GALNT12: variants seen among roughly 807,000 people sequenced by gnomAD.
The protein encoded by GALNT12 is polypeptide N-acetylgalactosaminyltransferase 12, also known as UDP-GalNAc:polypeptide N-acetylgalactosaminyltransferase 12.
GALNT12 carries 45 observed loss-of-function variants against 55.5 expected under a neutral mutation model. The observed-to-expected ratio is 0.81, with a 90% CI of 0.64 to 1.04. The LOEUF is 1.04. Among genes scored for constraint, GALNT12 ranks in the 50% least tolerant of loss-of-function variants. The pLI is 0.00. For synonymous variants in GALNT12, 304 were observed against 312.2 expected, an observed-to-expected ratio of 0.97 and a Z score of 0.28; for missense variants, 709 against 754.8, an observed-to-expected ratio of 0.94 and a Z score of 0.71.
At chr9:98,844,682 A>T (rs56161609) in intron 8 of GALNT12, among the ~76,000 whole-genome samples, 7 of 152,150 alleles carry the variant, frequency 4.6e-5, no homozygotes, top group Non-Finnish European at 8.8e-5. Context: ...CTTAGAATTA[A>T]TTGTTAAGTG....
At chr9:98,834,410 C>G (rs758281489) in intron 4 of GALNT12, among the ~76,000 whole-genome samples, 2 of 152,210 alleles carry the variant, frequency 1.3e-5, no homozygotes, top group African/African-American at 2.4e-5. Context: ...TATGAGCCAC[C>G]GTGCCCAGCC....
chr9:98,831,268 G>T (rs1019795204), intron 3 of GALNT12, among the ~76,000 whole-genome samples: 1 of 152,196 alleles, frequency 6.6e-6, no homozygotes, highest in Admixed American at 6.5e-5. Context: ...CCCTCTGAAT[G>T]GATATTATAA....
At chr9:98,846,608 C>G (rs1433216479) in intron 9 of GALNT12, among the ~76,000 whole-genome samples, 1 of 152,044 alleles carries the variant, frequency 6.6e-6, no homozygotes, top group African/African-American at 2.4e-5. Context: ...GCCTGTAATC[C>G]CAGCACTTTG....
chr9:98,825,165 G>T (rs1355364042), intron 2 of GALNT12, among the ~76,000 whole-genome samples: 4 of 152,140 alleles, frequency 2.6e-5, no homozygotes, highest in African/African-American at 9.7e-5. Context: ...TTTTTATAAT[G>T]TTTAAATGTT....
intron 1 of GALNT12, among the ~76,000 whole-genome samples, chr9:98,811,336 C>T (rs1835491235): frequency 6.6e-6 from 1 of 152,104 alleles, no homozygotes; most frequent in Non-Finnish European, 1.5e-5. Flanking sequence ...CCAAAATTTG[C>T]AAAAAGTTTT....
At chr9:98,816,997 T>G (rs1564247959) in intron 1 of GALNT12, among the ~76,000 whole-genome samples, 1 of 152,002 alleles carries the variant, frequency 6.6e-6, no homozygotes, top group Non-Finnish European at 1.5e-5. Flanking sequence ...GCTAATTTTT[T>G]GTATTTTTTT....
intron 2 of GALNT12, among the ~76,000 whole-genome samples, chr9:98,825,989 C>G (rs759526810): frequency 3.0e-4 from 45 of 151,042 alleles, no homozygotes; most frequent in Non-Finnish European, 5.8e-4. Flanking sequence ...AAAAAAAAAT[C>G]AACCAATTAA....
At chr9:98,843,830 GAA>G (rs1836352823) in intron 7 of GALNT12, among the ~76,000 whole-genome samples, 1 of 152,204 alleles carries the variant, frequency 6.6e-6, no homozygotes, top group Non-Finnish European at 1.5e-5. Flanking sequence ...TAATGAGAAA[GAA>G]AGAGAGAGGA....
Position 98,837,046 on chromosome 9 carries a change from C to A in GALNT12, c.1110C>A (p.Pro370=), listed in dbSNP as rs1588453890. 1 of 1,614,204 alleles carries A rather than the reference C, an allele frequency of 6.2e-7. No homozygotes were observed. Among genetic ancestry groups the A allele is most frequent in the Non-Finnish European group, 8.5e-7 (1 of 1,180,032 alleles). Residue 370 remains proline, a synonymous_variant, in exon 6 of 10, where the codon CCC becomes CCA. Transcript: ENST00000375011. ...GCCATGTTTTCCCCAAGCAAGCTCC[C>A]TACTCCCGCAACAAGGCTCTGGCCA... ...HVGHVFPKQA[P]YSRNKALANS...
At position 98,813,554 on chromosome 9, in the gene GALNT12, A is replaced by G. The variant is rs569067553; in HGVS notation, c.371+5485A>G. On this transcript the variant is annotated intron_variant, in intron 1 of 9. Transcript: ENST00000375011. ...CTCTTGTTGCCCAGGCTGGAGTGCA[A>G]TGGTGCGATCTCAGCTCACTGCAAC... Among the ~76,000 whole-genome samples the G allele has an allele frequency of 6.6e-5, 10 of 151,836 alleles. 1 individual carries two copies. The highest frequency in any genetic ancestry group is 2.2e-4 in the African/African-American group (9 of 41,386).
intron 9 of GALNT12, 29 bp downstream of exon 9, chr9:98,846,152 T>C: frequency 2.5e-6 from 4 of 1,613,360 alleles, no homozygotes; most frequent in Non-Finnish European, 3.4e-6. Context: ...TCCTTCCTGC[T>C]GACAGTCCCT....
At position 98,831,925 on chromosome 9, in the gene GALNT12, G is replaced by A. The variant is rs1191090728; in HGVS notation, c.885G>A (p.Arg295=). ...FTWHTVPERE[R]IRMQSPVDVI... Reference sequence around the variant, plus strand: ...GGCACACAGTTCCTGAGAGGGAGAGGATACGGATGCAATCCCCCGTCGATG... The same window carrying A: ...GGCACACAGTTCCTGAGAGGGAGAGAATACGGATGCAATCCCCCGTCGATG... The change falls in exon 4 of 10, where the codon AGG becomes AGA. Residue 295 remains arginine (R), a synonymous_variant. Transcript: ENST00000375011. The A allele has an allele frequency of 5.0e-6, 8 of 1,614,094 alleles. No individual in the cohort carries two copies. In the Admixed American group the frequency reaches 6.7e-5, roughly 13 times the overall value.
Position 98,812,878 on chromosome 9 carries a change from T to G in GALNT12, c.371+4809T>G, listed in dbSNP as rs147950250. On this transcript the variant is annotated intron_variant, in intron 1 of 9. Coordinates refer to ENST00000375011, the MANE Select transcript of GALNT12 (RefSeq NM_024642.5). ...AAAGTACATATTTAACTCAACAAAGTCTAAAATTAAATATTAACTATGGAC... is the reference window on the plus strand; with the variant it reads ...AAAGTACATATTTAACTCAACAAAGGCTAAAATTAAATATTAACTATGGAC... 3.0e-3 allele frequency among the ~76,000 whole-genome samples: 457 copies of G among 152,330 alleles called. 1 individual carries two copies. Among genetic ancestry groups the G allele is most frequent in the Non-Finnish European group, 5.0e-3 (339 of 68,028 alleles).
chr9:98,825,229 T>G (rs74586206), intron 2 of GALNT12, among the ~76,000 whole-genome samples: 1,588 of 152,268 alleles, frequency 0.01, 20 homozygotes, highest in South Asian at 0.032. Context: ...TAATCTAAAG[T>G]CAAAGAGCGG....
At chr9:98,808,825 T>A (rs1234980885) in intron 1 of GALNT12, among the ~76,000 whole-genome samples, 1 of 152,236 alleles carries the variant, frequency 6.6e-6, no homozygotes, top group African/African-American at 2.4e-5. Flanking sequence ...AGGTGGCTGC[T>A]GCCACCTTTG....
intron 4 of GALNT12, among the ~76,000 whole-genome samples, chr9:98,833,459 G>A (rs189943743): frequency 1.3e-4 from 20 of 152,298 alleles, no homozygotes; most frequent in Admixed American, 3.3e-4. Flanking sequence ...GCAGGTAGAA[G>A]CCACTGAAGG....
intron 7 of GALNT12, among the ~76,000 whole-genome samples, chr9:98,841,561 C>T (rs954946069): frequency 6.6e-6 from 1 of 152,162 alleles, no homozygotes; most frequent in African/African-American, 2.4e-5. Flanking sequence ...TCTTTCATTT[C>T]TTCCACATTT....
intron 1 of GALNT12, among the ~76,000 whole-genome samples, chr9:98,818,150 C>G (rs1286769141): frequency 6.6e-6 from 1 of 152,132 alleles, no homozygotes; most frequent in Non-Finnish European, 1.5e-5. Flanking sequence ...CAAAGACATT[C>G]TCTCATGATA....
intron 1 of GALNT12, among the ~76,000 whole-genome samples, chr9:98,812,603 C>T (rs1391639324): frequency 6.6e-6 from 1 of 152,052 alleles, no homozygotes; most frequent in Admixed American, 6.6e-5. Context: ...AAAGAAAAAT[C>T]CAAACTGACA....
Sources: allele counts gnomAD v4.1 joint callset (sites outside exome capture counted in the v4.1 genomes callset), GRCh38; gene constraint gnomAD v4.1.1; transcripts MANE v1.5; gene names NCBI Gene and HGNC (gene_info 2026-07-23, HGNC 2026-07-21).